Variants in NRXN2 observed in about 807,000 individuals in gnomAD.
The protein encoded by NRXN2 is neurexin 2, also known as neurexin-2-beta.
Under a neutral mutation model 128.8 loss-of-function variants are expected in NRXN2, and 29 were observed. The ratio of observed to expected loss-of-function variants is 0.23; its 90% confidence interval spans 0.17 to 0.31. The LOEUF is 0.31. Among genes scored for constraint, NRXN2 ranks in the 10% least tolerant of loss-of-function variants. The pLI is 1.00. For synonymous variants in NRXN2, 1,098 were observed against 1,075.2 expected, an observed-to-expected ratio of 1.02 and a Z score of -0.41; for missense variants, 1,881 against 2,452.6, an observed-to-expected ratio of 0.77 and a Z score of 4.92.
At chr11:64,644,131 GGCATACATCCGT>G (rs1267632941) in intron 17 of NRXN2, among the ~76,000 whole-genome samples, 1 of 151,994 alleles carries the variant, frequency 6.6e-6, no homozygotes, top group Non-Finnish European at 1.5e-5. Context: ...ATGCTCACAG[GGCATACATCCGT>G]GCACACACAC....
chr11:64,692,759 A>G (rs2053990700), intron 4 of NRXN2, 88 bp downstream of exon 4: 5 of 1,295,314 alleles, frequency 3.9e-6, no homozygotes, highest in Non-Finnish European at 5.4e-6. Context: ...GGGGAAGGGG[A>G]CAGGGGAAGG....
intron 3 of NRXN2, among the ~76,000 whole-genome samples, chr11:64,696,009 A>G (rs1180097005): frequency 1.7e-5 from 2 of 115,566 alleles, no homozygotes; most frequent in East Asian, 2.5e-4. Context: ...TTCCTGCCCC[A>G]CCCCCTACAG....
At chr11:64,707,966 G>A (rs939473835) in intron 2 of NRXN2, among the ~76,000 whole-genome samples, 1 of 152,148 alleles carries the variant, frequency 6.6e-6, no homozygotes, top group African/African-American at 2.4e-5. Context: ...GGTGGTGCAT[G>A]CCTATAATCC....
At chr11:64,608,755 G>A (rs1279646864) in intron 22 of NRXN2, among the ~76,000 whole-genome samples, 4 of 151,936 alleles carry the variant, frequency 2.6e-5, no homozygotes, top group African/African-American at 4.8e-5. Context: ...CTCTCTCTCC[G>A]CCCTCACTTG....
Position 64,635,487 on chromosome 11 carries a change from G to T in NRXN2, c.3404-35C>A, listed in dbSNP as rs1203007105. ...GAAGGAAAGGGAGACAAGAAGAAAT[G>T]ACATCAGGAGGACGAGGTCAGCAGG... On this transcript the variant is annotated intron_variant, in intron 17 of 22. Coordinates refer to ENST00000265459, the MANE Select transcript of NRXN2 (RefSeq NM_015080.4). This position sits in a 1 kb window ranked among gnomAD's most constrained non-coding sequence, Gnocchi z 4.8. 1.9e-6 allele frequency: 3 copies of T among 1,610,720 alleles called. No individual in the cohort carries two copies. Among genetic ancestry groups the T allele is most frequent in the African/African-American group, 1.3e-5 (1 of 74,868 alleles).
rs539456163 is a variant in NRXN2, at chr11:64,632,251, A to T, written c.3586-1678T>A. On this transcript the variant is annotated intron_variant, in intron 18 of 22. Coordinates refer to ENST00000265459, the MANE Select transcript of NRXN2 (RefSeq NM_015080.4). This position sits in a 1 kb window ranked among gnomAD's most constrained non-coding sequence, Gnocchi z 4.2. Reference sequence around the variant, plus strand: ...CTCCTTCTCAGAACCTGGGAAAACCACATACATATATGCATGCATGCACGC... The same window carrying T: ...CTCCTTCTCAGAACCTGGGAAAACCTCATACATATATGCATGCATGCACGC... Among the ~76,000 whole-genome samples, 1 of 152,280 alleles carries T rather than the reference A, an allele frequency of 6.6e-6. No homozygotes were observed. Among genetic ancestry groups the T allele is most frequent in the African/African-American group, 2.4e-5 (1 of 41,562 alleles).
chr11:64,667,111 G>C lies in NRXN2; in HGVS notation c.1798+139C>G. 1.2e-6 allele frequency: 1 copy of C among 863,466 alleles called. No homozygotes were observed. 53.5% of individuals were successfully genotyped at this position (863,466 alleles called of 1,614,324 possible). Reference sequence around the variant, plus strand: ...ACAGAAAGGACAATTGGGAAGACGTGAGGGGGGTGGAGGAGAAGCGGCAGG... The same window carrying C: ...ACAGAAAGGACAATTGGGAAGACGTCAGGGGGGTGGAGGAGAAGCGGCAGG... On this transcript the variant is annotated intron_variant, in intron 9 of 22. Transcript: ENST00000265459. The surrounding 1 kb of genome is among the most constrained non-coding windows in gnomAD (Gnocchi z 5.6).
intron 8 of NRXN2, 66 bp downstream of exon 8, chr11:64,668,377 G>A: frequency 6.3e-7 from 1 of 1,595,896 alleles, no homozygotes; most frequent in East Asian, 2.2e-5. Flanking sequence ...GTCAGACTAA[G>A]TCACGCTGAA....
In NRXN2 at chr11:64,714,315, C is replaced by A. The variant is rs1436559323; in HGVS notation, c.-244-372G>T. ...TGGGAACTCTCCTCCGCCTGGTGAC[C>A]CCAGCCCCTTCTCTGAACCGCCCAG... On this transcript the variant is annotated intron_variant, in intron 1 of 22. Coordinates refer to ENST00000265459, the MANE Select transcript of NRXN2 (RefSeq NM_015080.4). The surrounding 1 kb of genome is among the most constrained non-coding windows in gnomAD (Gnocchi z 4.5). Among the ~76,000 whole-genome samples the A allele has an allele frequency of 6.6e-6, 1 of 152,130 alleles. No individual in the cohort carries two copies. The highest frequency in any genetic ancestry group is 1.5e-5 in the Non-Finnish European group (1 of 68,032).
intron 2 of NRXN2, among the ~76,000 whole-genome samples, chr11:64,704,883 T>A (rs1398447214): frequency 6.6e-6 from 1 of 152,196 alleles, no homozygotes; most frequent in African/African-American, 2.4e-5. Flanking sequence ...AAGTTCCAGC[T>A]ATTATGCTTA....
chr11:64,712,861 G>C, intron 2 of NRXN2, 109 bp downstream of exon 2: 1 of 1,008,348 alleles, frequency 9.9e-7, no homozygotes, highest in East Asian at 3.1e-5. Flanking sequence ...ACAAGCCCTC[G>C]TGCCCAGCCC....
At chr11:64,678,971 T>C (rs571121164) in intron 6 of NRXN2, among the ~76,000 whole-genome samples, 11 of 152,306 alleles carry the variant, frequency 7.2e-5, no homozygotes, top group Middle Eastern at 3.4e-3. Context: ...ATATTAATTA[T>C]TAGTGATGCA....
intron 6 of NRXN2, among the ~76,000 whole-genome samples, chr11:64,680,799 T>C (rs1374959044): frequency 6.6e-6 from 1 of 152,122 alleles, no homozygotes; most frequent in Non-Finnish European, 1.5e-5. Flanking sequence ...TCTTCTGGTC[T>C]TGTAAAGTGA....
At chr11:64,715,504 C>G (rs79071663) in intron 1 of NRXN2, among the ~76,000 whole-genome samples, 1 of 152,092 alleles carries the variant, frequency 6.6e-6, no homozygotes, top group Non-Finnish European at 1.5e-5. Context: ...TGGAAGGAAA[C>G]GAGGGACCCC....
Position 64,713,275 on chromosome 11 carries a change from C to T in NRXN2, c.425G>A (p.Arg142His). The T allele has an allele frequency of 7.1e-7, 1 of 1,410,944 alleles. No homozygotes were observed. The highest frequency in any genetic ancestry group is 2.9e-5 in the Admixed American group (1 of 34,768). The allele number at this position is 1,410,944 out of a possible 1,614,324, so 87.4% of individuals were successfully genotyped here. A position where few individuals can be genotyped will look rare whatever the true frequency, so the allele number is the denominator to read the frequency against. Residue 142 changes from arginine to histidine, a missense_variant, in exon 2 of 23, where the codon CGC (arginine) becomes CAC (histidine). Transcript: ENST00000265459. ...CAGGTCGCTGGCCACCTGCATCTCG[C>T]GCCGCTTGGAGCGCACCTCGGCGGC... Reference protein sequence around the residue: ...ARAAEVRSKRREMQVASDLFV... With the variant: ...ARAAEVRSKRHEMQVASDLFV...
At chr11:64,689,429 C>T (rs2053530964) in intron 5 of NRXN2, among the ~76,000 whole-genome samples, 1 of 152,128 alleles carries the variant, frequency 6.6e-6, no homozygotes, top group Non-Finnish European at 1.5e-5. Context: ...TTTGCATGGA[C>T]CACACTTTAT....
At chr11:64,663,656 C>A (rs754826709) in intron 9 of NRXN2, among the ~76,000 whole-genome samples, 29 of 152,062 alleles carry the variant, frequency 1.9e-4, no homozygotes, top group Non-Finnish European at 3.7e-4. Flanking sequence ...ACAAATGAAC[C>A]AAATGTTGGA....
At chr11:64,708,251 G>A (rs1164050222) in intron 2 of NRXN2, among the ~76,000 whole-genome samples, 6 of 152,174 alleles carry the variant, frequency 3.9e-5, no homozygotes, top group East Asian at 1.9e-4. Context: ...AGACACGTGT[G>A]TCTACCTCCC....
In NRXN2 at chr11:64,660,570, G is replaced by T; in HGVS notation, c.2186-35C>A. On this transcript the variant is annotated intron_variant, in intron 10 of 22. Transcript: ENST00000265459. The surrounding 1 kb of genome is among the most constrained non-coding windows in gnomAD (Gnocchi z 5.2). ...GGAGTTGGGGAAGAGGGAAGGAGAA[G>T]ACAGGCAGAGGCCAGGGGAGGGAGA... is the stretch of plus-strand genomic sequence containing the variant. 1 of 1,608,926 alleles carries T rather than the reference G, an allele frequency of 6.2e-7. No individual in the cohort carries two copies.
Sources: gnomAD v4.1 joint callset for allele counts (sites outside exome capture counted in the v4.1 genomes callset) on GRCh38, gnomAD v4.1.1 for gene constraint, Gnocchi (gnomAD v3.1) non-coding constraint, MANE v1.5 for transcripts, NCBI Gene and HGNC (gene_info 2026-07-23, HGNC 2026-07-21) for gene names.